Variants in KIAA1549L observed in about 807,000 individuals in gnomAD.
KIAA1549L encodes UPF0606 protein KIAA1549L.
In KIAA1549L, 88 loss-of-function variants were observed where a neutral mutation model predicts 160.7. The ratio of observed to expected loss-of-function variants is 0.55; its 90% CI spans 0.46 to 0.65. KIAA1549L has a LOEUF of 0.65. Among genes scored for constraint, KIAA1549L ranks in the 30% least tolerant of loss-of-function variants. The pLI, the probability that KIAA1549L is intolerant of heterozygous loss-of-function variation, is 0.00. For synonymous variants in KIAA1549L, 950 were observed against 976.7 expected (o/e 0.97, Z 0.51); for missense variants, 2,258 against 2,437.5 (o/e 0.93, Z 1.55).
chr11:33,605,789 C>T (rs987637768), intron 13 of KIAA1549L, among the ~76,000 whole-genome samples: 5 of 152,202 alleles, frequency 3.3e-5, no homozygotes, highest in Non-Finnish European at 2.9e-5. Flanking sequence ...TAATGTATCT[C>T]TTGCCTAGCC....
rs565813776 is a variant in KIAA1549L at position 33,416,430 on chromosome 11, A to G, written c.238+39541A>G. On this transcript the variant is annotated intron_variant, in intron 1 of 20. Coordinates refer to ENST00000658780, the MANE Select transcript of KIAA1549L (RefSeq NM_012194.3). ...TATGTAGTCGGCTCTTCATATCTGCAGATCCAACCAACTTGCAGCTCAAAA... is the reference window on the plus strand; with the variant it reads ...TATGTAGTCGGCTCTTCATATCTGCGGATCCAACCAACTTGCAGCTCAAAA... Among the ~76,000 whole-genome samples, 96 of 152,202 alleles carry G rather than the reference A, an allele frequency of 6.3e-4. 1 individual carries two copies. In the South Asian group the frequency reaches 0.019, roughly 30 times the overall value.
chr11:33,398,865 T>A (rs2615927), intron 1 of KIAA1549L, among the ~76,000 whole-genome samples: 7,289 of 152,216 alleles, frequency 0.048, 564 homozygotes, highest in African/African-American at 0.17. Context: ...TCGTATATAG[T>A]CTTAGTTAAA....
intron 1 of KIAA1549L, among the ~76,000 whole-genome samples, chr11:33,464,268 T>C (rs928076007): frequency 6.6e-6 from 1 of 152,206 alleles, no homozygotes; most frequent in Non-Finnish European, 1.5e-5. Context: ...ATAACTTCCA[T>C]CCATTCTTTC....
chr11:33,660,848 T>C lies in KIAA1549L; in HGVS notation c.6008-15T>C. ...AGCCTCTCTTAACCTCCCTCCTCCATTTCCTCCATGCCAGGTAATACGGTG... is the reference window on the plus strand; with the variant it reads ...AGCCTCTCTTAACCTCCCTCCTCCACTTCCTCCATGCCAGGTAATACGGTG... On this transcript the variant is annotated splice_polypyrimidine_tract_variant and intron_variant, in intron 19 of 20. Coordinates refer to ENST00000658780, the MANE Select transcript of KIAA1549L (RefSeq NM_012194.3). 1 of 1,613,118 alleles carries C rather than the reference T, an allele frequency of 6.2e-7. No individual in the cohort carries two copies. Among genetic ancestry groups the C allele is most frequent in the Non-Finnish European group, 8.5e-7 (1 of 1,179,416 alleles).
At chr11:33,502,540 A>G (rs1480257979) in intron 1 of KIAA1549L, among the ~76,000 whole-genome samples, 1 of 152,148 alleles carries the variant, frequency 6.6e-6, no homozygotes, top group Non-Finnish European at 1.5e-5. Flanking sequence ...TTTGTCCTGG[A>G]GTTTCAGTGT....
chr11:33,418,815 T>C (rs1850939849), intron 1 of KIAA1549L, among the ~76,000 whole-genome samples: 1 of 151,914 alleles, frequency 6.6e-6, no homozygotes, highest in Non-Finnish European at 1.5e-5. Context: ...AAGGACATCC[T>C]GTTTCTAGGG....
intron 1 of KIAA1549L, among the ~76,000 whole-genome samples, chr11:33,451,108 A>G (rs1851712595): frequency 6.6e-6 from 1 of 152,216 alleles, no homozygotes; most frequent in Non-Finnish European, 1.5e-5. Context: ...GATAAAACAC[A>G]GTATTGTTTC....
At chr11:33,436,113 A>G (rs1036717473) in intron 1 of KIAA1549L, among the ~76,000 whole-genome samples, 24 of 152,172 alleles carry the variant, frequency 1.6e-4, no homozygotes, top group Middle Eastern at 3.4e-3. Flanking sequence ...ATAGCTTATA[A>G]GCAAATGCTA....
intron 3 of KIAA1549L, among the ~76,000 whole-genome samples, chr11:33,545,591 C>G (rs1854224969): frequency 6.6e-6 from 1 of 152,144 alleles, no homozygotes; most frequent in Non-Finnish European, 1.5e-5. Context: ...GGATACTGCT[C>G]AACATCTTAC....
At chr11:33,571,407 A>AAT (rs1855249814) in intron 9 of KIAA1549L, among the ~76,000 whole-genome samples, 10 of 152,230 alleles carry the variant, frequency 6.6e-5, no homozygotes, top group African/African-American at 2.4e-4. Flanking sequence ...GAAAGTGATT[A>AAT]GGCCGTTCTT....
Position 33,591,427 on chromosome 11 carries a change from C to G in KIAA1549L, c.4751+6C>G. On this transcript the variant is annotated splice_donor_region_variant and intron_variant, in intron 12 of 20. Coordinates refer to ENST00000658780, the MANE Select transcript of KIAA1549L (RefSeq NM_012194.3). ...TCCACTGAAACCAGGAAGAGGTAGG[C>G]ACGGGGCTGACTTCTGCCTCTCTGT... 6.3e-7 allele frequency: 1 copy of G among 1,594,338 alleles called. No homozygotes were observed. The highest frequency in any genetic ancestry group is 2.3e-5 in the East Asian group (1 of 44,412).
intron 16 of KIAA1549L, among the ~76,000 whole-genome samples, chr11:33,640,060 G>T (rs1457399441): frequency 6.6e-6 from 1 of 151,950 alleles, no homozygotes; most frequent in Non-Finnish European, 1.5e-5. Flanking sequence ...ATATTGTAAT[G>T]TCATTTTTAA....
intron 1 of KIAA1549L, among the ~76,000 whole-genome samples, chr11:33,521,497 C>T (rs1853492687): frequency 6.6e-6 from 1 of 152,178 alleles, no homozygotes; most frequent in East Asian, 1.9e-4. Flanking sequence ...TAGAAAAATG[C>T]TGGACTGTAG....
At chr11:33,640,570 G>A (rs140119394) in intron 16 of KIAA1549L, among the ~76,000 whole-genome samples, 23 of 152,344 alleles carry the variant, frequency 1.5e-4, no homozygotes, top group African/African-American at 5.5e-4. Context: ...AGTGGCCTGG[G>A]GCAGTGGGGA....
intron 2 of KIAA1549L, 148 bp downstream of exon 2, chr11:33,544,484 C>G: frequency 2.3e-6 from 2 of 856,132 alleles, no homozygotes; most frequent in East Asian, 5.1e-5. Flanking sequence ...AGTTAGTAGC[C>G]CCAAGTAGTC....
intron 1 of KIAA1549L, among the ~76,000 whole-genome samples, chr11:33,437,220 CATT>C (rs796581838): frequency 1.8e-4 from 27 of 152,244 alleles, no homozygotes; most frequent in African/African-American, 6.3e-4. Context: ...CATATGTACA[CATT>C]ATTTTAAAAT....
intron 1 of KIAA1549L, among the ~76,000 whole-genome samples, chr11:33,454,745 C>G (rs1425538552): frequency 2.0e-5 from 3 of 151,952 alleles, no homozygotes; most frequent in African/African-American, 7.3e-5. Context: ...CTTTTGAAAA[C>G]AAAGGAGAAA....
chr11:33,479,676 C>T (rs79659372), intron 1 of KIAA1549L, among the ~76,000 whole-genome samples: 2,900 of 152,254 alleles, frequency 0.019, 81 homozygotes, highest in African/African-American at 0.062. Context: ...GATTCTCAAA[C>T]CTTTTCTGTT....
intron 1 of KIAA1549L, among the ~76,000 whole-genome samples, chr11:33,448,018 A>G (rs1182876345): frequency 6.6e-6 from 1 of 152,194 alleles, no homozygotes; most frequent in Non-Finnish European, 1.5e-5. Context: ...GTATAATTGC[A>G]AGACAAAAGC....
Sources: gnomAD v4.1 joint callset for allele counts (sites outside exome capture counted in the v4.1 genomes callset) on GRCh38, gnomAD v4.1.1 for gene constraint, MANE v1.5 for transcripts, NCBI Gene and HGNC (gene_info 2026-07-23, HGNC 2026-07-21) for gene names.